DDX19A: variants seen among roughly 807,000 people sequenced by gnomAD.
DDX19A encodes ATP-dependent RNA helicase DDX19A.
A neutral mutation model predicts 60.6 loss-of-function variants in DDX19A; 12 were observed. The ratio of observed to expected loss-of-function variants is 0.20; its 90% confidence interval spans 0.13 to 0.32. DDX19A has a LOEUF of 0.32. Ranked by LOEUF, DDX19A falls within the 10% of genes least tolerant of loss-of-function variation. DDX19A has a pLI of 1.00. For missense variants in DDX19A, 337 were observed against 600.6 expected (o/e 0.56, Z 4.59); for synonymous variants, 206 against 218.2 (o/e 0.94, Z 0.49).
intron 9 of DDX19A, among the ~76,000 whole-genome samples, chr16:70,368,694 A>C (rs1964591666): frequency 6.6e-6 from 1 of 151,730 alleles, no homozygotes; most frequent in Non-Finnish European, 1.5e-5. Context: ...CTCCAGGCAC[A>C]TGGCACTGTG....
At chr16:70,349,487 C>T (rs973224859) in intron 1 of DDX19A, among the ~76,000 whole-genome samples, 4 of 152,166 alleles carry the variant, frequency 2.6e-5, no homozygotes, top group Non-Finnish European at 2.9e-5. Flanking sequence ...AGTCCAAGTT[C>T]GCAGGTGACA....
At position 70,347,062 on chromosome 16, in the gene DDX19A, C is replaced by T. The variant is rs933975322; in HGVS notation, c.57+14C>T. The stretch of plus-strand genomic sequence containing the variant: ...GCTGTCAAGTCGGTCAGTAGCTCAG[C>T]TCCTGGCGAGGAGGACGTAGCAGGG... On this transcript the variant is annotated intron_variant, in intron 1 of 11. Coordinates refer to ENST00000302243, the MANE Select transcript of DDX19A (RefSeq NM_018332.5). 20 of 1,609,432 alleles carry T rather than the reference C, an allele frequency of 1.2e-5. No individual in the cohort carries two copies. Among genetic ancestry groups the T allele is most frequent in the Non-Finnish European group, 1.6e-5 (19 of 1,178,818 alleles).
intron 9 of DDX19A, among the ~76,000 whole-genome samples, chr16:70,368,070 G>A (rs1372027105): frequency 6.6e-6 from 1 of 152,058 alleles, no homozygotes; most frequent in African/African-American, 2.4e-5. Flanking sequence ...TCAGCTACTC[G>A]GAAGACTGAG....
chr16:70,352,686 G>A (rs567488869), intron 2 of DDX19A, among the ~76,000 whole-genome samples: 167 of 148,002 alleles, frequency 1.1e-3, no homozygotes, highest in African/African-American at 3.9e-3. Context: ...GCCCAGGCTG[G>A]AGTGCAATGA....
rs575355690 is a variant in DDX19A, at chr16:70,371,673, T to A, written c.1375+110T>A. On this transcript the variant is annotated intron_variant, in intron 11 of 11. Coordinates refer to ENST00000302243, the MANE Select transcript of DDX19A (RefSeq NM_018332.5). ...AAGAGAGGCTCTGTCCCTAGCACAC[T>A]CCCCTCCTTTCTGACCATATGGCAG... 265 of 709,062 alleles carry A rather than the reference T, an allele frequency of 3.7e-4. No homozygotes were observed. In the African/African-American group the frequency reaches 3.9e-3, roughly 10 times the overall value. The allele number at this position is 709,062 out of a possible 1,614,324, so 43.9% of individuals were successfully genotyped here.
At chr16:70,354,602 A>G (rs1209711935) in intron 2 of DDX19A, among the ~76,000 whole-genome samples, 7 of 152,202 alleles carry the variant, frequency 4.6e-5, no homozygotes, top group Admixed American at 3.3e-4. Context: ...GGCTAGTAAG[A>G]GGTAACATAT....
At chr16:70,358,844 T>A (rs1964292833) in intron 4 of DDX19A, among the ~76,000 whole-genome samples, 2 of 152,086 alleles carry the variant, frequency 1.3e-5, no homozygotes, top group Admixed American at 6.6e-5. Context: ...AAAGCGAAAC[T>A]CCTTCTCAAA....
At chr16:70,356,868 G>A in intron 4 of DDX19A, 1 of 1,275,070 alleles carries the variant, frequency 7.8e-7, no homozygotes, top group Non-Finnish European at 1.0e-6. Context: ...AATATTGGCT[G>A]ACAGGTGATT....
At chr16:70,355,562 A>G (rs375476905) in intron 3 of DDX19A, 27 bp downstream of exon 3, 31 of 1,606,812 alleles carry the variant, frequency 1.9e-5, no homozygotes, top group Non-Finnish European at 2.5e-5. Context: ...GCCCTTGGCA[A>G]GAGACGGTAT....
chr16:70,361,208 T>C (rs148029499), intron 4 of DDX19A, among the ~76,000 whole-genome samples: 1 of 152,342 alleles, frequency 6.6e-6, no homozygotes, highest in Admixed American at 6.5e-5. Context: ...TTATGAATTA[T>C]AGAATAGTTG....
intron 4 of DDX19A, among the ~76,000 whole-genome samples, chr16:70,359,287 G>C (rs1035078506): frequency 1.4e-4 from 21 of 152,168 alleles, no homozygotes; most frequent in Non-Finnish European, 2.9e-4. Context: ...AGAAGCTGCC[G>C]AGTGTCACAG....
At chr16:70,366,422 C>A (rs1964521577) in intron 8 of DDX19A, 160 bp downstream of exon 8, 11 of 1,271,814 alleles carry the variant, frequency 8.6e-6, no homozygotes, top group Non-Finnish European at 1.2e-5. Flanking sequence ...TGATCACAGT[C>A]CCTCCCAACC....
At chr16:70,351,360 C>G (rs1052214498) in intron 2 of DDX19A, among the ~76,000 whole-genome samples, 11 of 151,814 alleles carry the variant, frequency 7.2e-5, no homozygotes, top group African/African-American at 2.7e-4. Context: ...CATCCACCAC[C>G]ACACCTGGCT....
At chr16:70,369,253 C>T (rs1597542547) in intron 9 of DDX19A, among the ~76,000 whole-genome samples, 1 of 144,010 alleles carries the variant, frequency 6.9e-6, no homozygotes, top group Non-Finnish European at 1.5e-5. Flanking sequence ...GATCTTGGCT[C>T]ACTGCAGCCT....
intron 2 of DDX19A, among the ~76,000 whole-genome samples, chr16:70,353,497 G>A (rs914329348): frequency 3.9e-5 from 6 of 152,086 alleles, no homozygotes; most frequent in Non-Finnish European, 7.4e-5. Flanking sequence ...TTGGGAGGCC[G>A]AGGCGGGCAG....
intron 1 of DDX19A, among the ~76,000 whole-genome samples, chr16:70,348,760 C>T (rs1013000494): frequency 3.3e-5 from 5 of 151,326 alleles, no homozygotes; most frequent in Non-Finnish European, 4.4e-5. Flanking sequence ...GGCAACATGG[C>T]GAAACCCCAT....
chr16:70,366,390 CG>C, intron 8 of DDX19A, 128 bp downstream of exon 8: 1 of 1,411,522 alleles, frequency 7.1e-7, no homozygotes, highest in Non-Finnish European at 9.7e-7. Flanking sequence ...ATTTGTTTGA[CG>C]GGCCATTTCC....
At chr16:70,366,295 C>T (rs200890480) in intron 8 of DDX19A, 33 bp downstream of exon 8, 542 of 1,613,194 alleles carry the variant, frequency 3.4e-4, no homozygotes, top group Admixed American at 7.5e-4. Context: ...ACTCCTCAGA[C>T]TCCCCATCTG....
intron 5 of DDX19A, 159 bp from the exon 6 acceptor site, chr16:70,364,384 A>T: frequency 3.3e-6 from 2 of 603,220 alleles, no homozygotes; most frequent in Non-Finnish European, 3.0e-6. Flanking sequence ...TTAACAGCGT[A>T]TAAAAAAATG....
Sources: gnomAD v4.1 joint callset for allele counts (sites outside exome capture counted in the v4.1 genomes callset) on GRCh38, gnomAD v4.1.1 for gene constraint, MANE v1.5 for transcripts, NCBI Gene and HGNC (gene_info 2026-07-23, HGNC 2026-07-21) for gene names.